Variants in YEATS4 observed in about 807,000 individuals in gnomAD.
The protein encoded by YEATS4 is YEATS domain containing 4.
Under a neutral mutation model 30.1 loss-of-function variants are expected in YEATS4, and 17 were observed. The observed-to-expected ratio is 0.56, with a 90% confidence interval of 0.39 to 0.85. The LOEUF is 0.85. Ranked by LOEUF, YEATS4 falls within the 40% of genes least tolerant of loss-of-function variation. The pLI is 0.00. For synonymous variants in YEATS4, 85 were observed against 87.5 expected (o/e 0.97, Z 0.16); for missense variants, 142 against 268.3 (o/e 0.53, Z 3.29).
chr12:69,360,079 T>C, intron 1 of YEATS4, 56 bp downstream of exon 1: 1 of 1,573,920 alleles, frequency 6.4e-7, no homozygotes, highest in Non-Finnish European at 8.7e-7. Flanking sequence ...GGTTCCTCCC[T>C]GCGCGGCGCG....
chr12:69,362,067 G>A (rs112247876), intron 1 of YEATS4, among the ~76,000 whole-genome samples: 3,750 of 134,382 alleles, frequency 0.028, 69 homozygotes, highest in Middle Eastern at 0.064. Context: ...GCCCAGGCTG[G>A]AGTGCAATGG....
intron 6 of YEATS4, among the ~76,000 whole-genome samples, chr12:69,376,188 G>A (rs1368403785): frequency 2.0e-5 from 3 of 152,216 alleles, no homozygotes; most frequent in Non-Finnish European, 1.5e-5. Context: ...CCAACATGGC[G>A]AAACCCTTCT....
At chr12:69,365,988 A>G (rs1875413535) in intron 4 of YEATS4, 104 bp downstream of exon 4, 2 of 865,742 alleles carry the variant, frequency 2.3e-6, no homozygotes, top group African/African-American at 1.8e-5. Flanking sequence ...TTTTATGTAA[A>G]TTTATGGCAC....
chr12:69,425,223 G>A, the YEATS4 span, among the ~76,000 whole-genome samples: 1 of 152,102 alleles, frequency 6.6e-6, no homozygotes, highest in African/African-American at 2.4e-5. Flanking sequence ...GCGCCCAGCC[G>A]GGTCTTAGTA....
chr12:69,375,142 C>T (rs1368609805), intron 6 of YEATS4, among the ~76,000 whole-genome samples: 5 of 151,280 alleles, frequency 3.3e-5, no homozygotes, highest in African/African-American at 1.2e-4. Flanking sequence ...CCTCACTTCC[C>T]AGACGGGGAG....
the YEATS4 span, among the ~76,000 whole-genome samples, chr12:69,408,541 C>T: frequency 3.9e-5 from 6 of 152,140 alleles, no homozygotes; most frequent in Non-Finnish European, 8.8e-5. Flanking sequence ...GCCAGGTTGC[C>T]CTGTGAAAAG....
At chr12:69,382,489 C>G (rs766340781) in intron 6 of YEATS4, among the ~76,000 whole-genome samples, 2 of 152,214 alleles carry the variant, frequency 1.3e-5, no homozygotes, top group African/African-American at 2.4e-5. Context: ...ACCACAGGCC[C>G]ACAAGGAGTT....
the YEATS4 span, among the ~76,000 whole-genome samples, chr12:69,419,121 C>T: frequency 5.3e-5 from 8 of 150,234 alleles, no homozygotes; most frequent in African/African-American, 2.0e-4. Context: ...AATGTCACCT[C>T]CTCTGAGGCC....
the YEATS4 span, among the ~76,000 whole-genome samples, chr12:69,417,789 C>A: frequency 0.014 from 2,004 of 148,008 alleles, 49 homozygotes; most frequent in African/African-American, 0.047. Flanking sequence ...AGCAGCACTT[C>A]GTTTAACGCT....
the YEATS4 span, among the ~76,000 whole-genome samples, chr12:69,419,667 G>T: frequency 5.3e-4 from 80 of 152,332 alleles, no homozygotes; most frequent in East Asian, 0.014. Flanking sequence ...TTGAAGGAAA[G>T]AAAGTCATGT....
chr12:69,372,709 T>A (rs182123229), intron 6 of YEATS4, among the ~76,000 whole-genome samples: 33 of 152,034 alleles, frequency 2.2e-4, no homozygotes, highest in African/African-American at 5.5e-4. Context: ...TAATTTTTTT[T>A]ATATTTTTAG....
intron 6 of YEATS4, among the ~76,000 whole-genome samples, chr12:69,386,006 G>A (rs1159978288): frequency 6.6e-6 from 1 of 152,166 alleles, no homozygotes; most frequent in Non-Finnish European, 1.5e-5. Flanking sequence ...TAACCAGTAT[G>A]CTGAACTGAC....
At chr12:69,411,637 G>A in the YEATS4 span, among the ~76,000 whole-genome samples, 2 of 152,170 alleles carry the variant, frequency 1.3e-5, no homozygotes, top group African/African-American at 4.8e-5. Flanking sequence ...GTACTGGAGG[G>A]GAGTGTGGAC....
chr12:69,377,254 A>G (rs1875906341), intron 6 of YEATS4, among the ~76,000 whole-genome samples: 2 of 152,170 alleles, frequency 1.3e-5, no homozygotes, highest in South Asian at 4.1e-4. Context: ...TTTTTACAAT[A>G]CATCGTTAGA....
intron 6 of YEATS4, among the ~76,000 whole-genome samples, chr12:69,386,352 C>T (rs1205812968): frequency 6.6e-6 from 1 of 152,208 alleles, no homozygotes; most frequent in Non-Finnish European, 1.5e-5. Context: ...TTTAAAACTA[C>T]CGCTTACAGC....
chr12:69,402,809 T>A, the YEATS4 span, among the ~76,000 whole-genome samples: 4 of 142,694 alleles, frequency 2.8e-5, no homozygotes. Flanking sequence ...CACTGCAACC[T>A]CCATCTCCTG....
intron 1 of YEATS4, among the ~76,000 whole-genome samples, chr12:69,360,851 G>C (rs1875173730): frequency 6.6e-6 from 1 of 151,494 alleles, no homozygotes; most frequent in Non-Finnish European, 1.5e-5. Context: ...ATAAAAATCA[G>C]AAGGGGTACA....
rs201176680 is a variant in YEATS4, at chr12:69,362,165, A to G, written c.52-623A>G. ...CCCAAGTAGCTGGGATTACAGATGC[A>G]CACCACCAAGCCCAGCTAATTTTTG... On this transcript the variant is annotated intron_variant, in intron 1 of 6. Coordinates refer to ENST00000247843, the MANE Select transcript of YEATS4 (RefSeq NM_006530.4). Among the ~76,000 whole-genome samples, 3 of 151,724 alleles carry G rather than the reference A, an allele frequency of 2.0e-5. No homozygotes were observed. The East Asian group carries it at 5.8e-4, about 29-fold the overall frequency.
In YEATS4 at chr12:69,365,824, A is replaced by G. The variant is rs760900267; in HGVS notation, c.273A>G (p.Thr91=). 2 of 1,610,780 alleles carry G rather than the reference A, an allele frequency of 1.2e-6. No individual in the cohort carries two copies. Among genetic ancestry groups the G allele is most frequent in the Non-Finnish European group, 1.7e-6 (2 of 1,179,040 alleles). The change falls in exon 4 of 7, where the codon ACA becomes ACG. Residue 91 remains threonine (T), a synonymous_variant. Transcript: ENST00000247843. ...VTKPPYEITE[T]GWGEFEIIIK... is the part of the protein sequence containing the mutation. ...AACCTCCATATGAAATTACTGAAAC[A>G]GGATGGGGTGAATTCGAAATAATCA... is the stretch of plus-strand genomic sequence containing the variant.
Sources: allele counts gnomAD v4.1 joint callset (sites outside exome capture counted in the v4.1 genomes callset), GRCh38; gene constraint gnomAD v4.1.1; transcripts MANE v1.5; gene names NCBI Gene and HGNC (gene_info 2026-07-23, HGNC 2026-07-21).